CYS1: variants seen among roughly 807,000 people sequenced by gnomAD.
CYS1 encodes the protein cystin-1.
In CYS1, 5 loss-of-function variants were observed where a neutral mutation model predicts 9.6. That is an observed-to-expected ratio of 0.52 (90% CI 0.27 to 1.10). The LOEUF (loss-of-function observed/expected upper bound fraction) is 1.10, where lower values mean the gene tolerates loss of function less well. CYS1 is among the 50% of genes least tolerant of loss of function. The pLI is 0.11. For synonymous variants in CYS1, 88 were observed against 95.7 expected (o/e 0.92, Z 0.47); for missense variants, 221 against 207.9 (o/e 1.06, Z -0.39).
chr2:10,066,975 A>T (rs1661706145), intron 1 of CYS1, among the ~76,000 whole-genome samples: 1 of 152,152 alleles, frequency 6.6e-6, no homozygotes, highest in South Asian at 2.1e-4. Context: ...CTAAGAAGTT[A>T]TCATTTTCCC....
intron 1 of CYS1, among the ~76,000 whole-genome samples, chr2:10,066,957 A>G (rs1472068685): frequency 3.3e-5 from 5 of 152,218 alleles, no homozygotes; most frequent in Non-Finnish European, 7.3e-5. Flanking sequence ...GGACTCCTTT[A>G]GTGTCTTCTA....
chr2:10,080,245 A>G lies in CYS1; in HGVS notation c.-22T>C. Reference sequence around the variant, plus strand: ...CCATGGCGCGCCCGCCGCCTCCCGGACCGCCGAGGGGGCCCCCATGAGGGG... The same window carrying G: ...CCATGGCGCGCCCGCCGCCTCCCGGGCCGCCGAGGGGGCCCCCATGAGGGG... On this transcript the variant is annotated 5_prime_UTR_variant, in exon 1 of 3. Coordinates refer to ENST00000381813, the MANE Select transcript of CYS1 (RefSeq NM_001037160.3). This position sits in a 1 kb window ranked among gnomAD's most constrained non-coding sequence, Gnocchi z 6.4. 9.7e-7 allele frequency: 1 copy of G among 1,030,980 alleles called. No homozygotes were observed. The highest frequency in any genetic ancestry group is 1.2e-6 in the Non-Finnish European group (1 of 864,620). 63.9% of individuals were successfully genotyped at this position (1,030,980 alleles called of 1,614,324 possible).
chr2:10,078,649 T>A (rs1037921672), intron 1 of CYS1, among the ~76,000 whole-genome samples: 3 of 152,228 alleles, frequency 2.0e-5, no homozygotes, highest in African/African-American at 7.2e-5. Flanking sequence ...CCCTTGGGAT[T>A]AGCCGCTTTC....
chr2:10,079,168 C>T (rs1006485236), intron 1 of CYS1, among the ~76,000 whole-genome samples: 5 of 152,148 alleles, frequency 3.3e-5, no homozygotes, highest in African/African-American at 9.7e-5. Context: ...CCCTCTCCCC[C>T]ACCCTCCCTG....
intron 1 of CYS1, among the ~76,000 whole-genome samples, chr2:10,073,363 C>T (rs906686537): frequency 3.3e-5 from 5 of 152,236 alleles, no homozygotes; most frequent in South Asian, 2.1e-4. Context: ...GAGACTTGTC[C>T]GTGCTAACAG....
At chr2:10,069,658 C>T (rs1218059561) in intron 1 of CYS1, among the ~76,000 whole-genome samples, 3 of 152,000 alleles carry the variant, frequency 2.0e-5, no homozygotes, top group Admixed American at 6.6e-5. Context: ...TGAGCCACTG[C>T]GCCTGGCCGA....
rs1413239548 is a variant in CYS1 at position 10,063,870 on chromosome 2, C to G, written c.371+2034G>C. Among the ~76,000 whole-genome samples the G allele has an allele frequency of 6.6e-6, 1 of 152,218 alleles. No individual in the cohort carries two copies. Among genetic ancestry groups the G allele is most frequent in the Non-Finnish European group, 1.5e-5 (1 of 68,040 alleles). On this transcript the variant is annotated intron_variant, in intron 2 of 2. Coordinates refer to ENST00000381813, the MANE Select transcript of CYS1 (RefSeq NM_001037160.3). The surrounding 1 kb of genome is among the most constrained non-coding windows in gnomAD (Gnocchi z 4.2). ...GGAAGCACGGTGCTGGAGGGGCTGA[C>G]AGAGCCCTGGGCACTCCTACGCCTA...
intron 1 of CYS1, among the ~76,000 whole-genome samples, chr2:10,074,018 C>T (rs2125291453): frequency 6.6e-6 from 1 of 152,316 alleles, no homozygotes; most frequent in Admixed American, 6.5e-5. Context: ...TTTAATCCTA[C>T]TCTTTTTATA....
At chr2:10,068,967 CAGG>C (rs1344257573) in intron 1 of CYS1, among the ~76,000 whole-genome samples, 1 of 151,918 alleles carries the variant, frequency 6.6e-6, no homozygotes, top group African/African-American at 2.4e-5. Context: ...GAGGCTGAGG[CAGG>C]AGAATTGCTT....
rs1180675064 is a variant in CYS1 at position 10,080,268 on chromosome 2, G to A, written c.-45C>T. ...GGACCGCCGAGGGGGCCCCCATGAG[G>A]GGGCGCGGCCGGGGGCGGGGACGCT... On this transcript the variant is annotated 5_prime_UTR_variant, in exon 1 of 3. Transcript: ENST00000381813. The surrounding 1 kb of genome is among the most constrained non-coding windows in gnomAD (Gnocchi z 6.4). 3 of 1,020,138 alleles carry A rather than the reference G, an allele frequency of 2.9e-6. No individual in the cohort carries two copies. The highest frequency in any genetic ancestry group is 2.3e-6 in the Non-Finnish European group (2 of 853,460). The allele number at this position is 1,020,138 out of a possible 1,614,324, so 63.2% of individuals were successfully genotyped here. A position where few individuals can be genotyped will look rare whatever the true frequency, so the allele number is the denominator to read the frequency against.
At chr2:10,066,036 G>C in intron 1 of CYS1, 80 bp from the exon 2 acceptor site, 2 of 1,495,542 alleles carry the variant, frequency 1.3e-6, no homozygotes, top group Non-Finnish European at 1.9e-6. Context: ...TGTGTGGACA[G>C]ACGATGGCCA....
At chr2:10,077,881 G>T (rs138785705) in intron 1 of CYS1, among the ~76,000 whole-genome samples, 1 of 152,220 alleles carries the variant, frequency 6.6e-6, no homozygotes, top group African/African-American at 2.4e-5. Context: ...AGACCAAGGT[G>T]GGCGGGTCAC....
chr2:10,077,957 A>G (rs1438320927), intron 1 of CYS1, among the ~76,000 whole-genome samples: 4 of 152,050 alleles, frequency 2.6e-5, no homozygotes, highest in African/African-American at 9.7e-5. Flanking sequence ...TAAAAATACA[A>G]AAATTGGGCG....
chr2:10,060,382 C>T (rs932410386), intron 2 of CYS1, among the ~76,000 whole-genome samples: 7 of 152,354 alleles, frequency 4.6e-5, no homozygotes, highest in East Asian at 1.9e-4. Flanking sequence ...GCACAGCCTC[C>T]GGGTCCCCGT....
chr2:10,075,703 G>A (rs538610173), intron 1 of CYS1, among the ~76,000 whole-genome samples: 1 of 152,280 alleles, frequency 6.6e-6, no homozygotes, highest in South Asian at 2.1e-4. Flanking sequence ...ATGCTCCATG[G>A]CTACAGCAAA....
intron 1 of CYS1, among the ~76,000 whole-genome samples, chr2:10,067,770 T>C (rs1329110121): frequency 2.0e-5 from 3 of 152,212 alleles, no homozygotes; most frequent in Non-Finnish European, 4.4e-5. Flanking sequence ...ATTCCAGTAA[T>C]TTATGGCTTC....
chr2:10,063,794 CAG>C lies in CYS1; in HGVS notation c.371+2108_371+2109del, dbSNP rs1162663075. On this transcript the variant is annotated intron_variant, in intron 2 of 2. Transcript: ENST00000381813. This position sits in a 1 kb window ranked among gnomAD's most constrained non-coding sequence, Gnocchi z 4.2. ...ACAGTGGGTACAGGGCAGATGCTGC[CAG>C]CCCTGACCCTGGGGCAGGACTGCTG... Among the ~76,000 whole-genome samples the C allele has an allele frequency of 8.5e-5, 13 of 152,216 alleles. No individual in the cohort carries two copies. The highest frequency in any genetic ancestry group is 3.1e-4 in the African/African-American group (13 of 41,450).
At position 10,057,944 on chromosome 2, in the gene CYS1, A is replaced by G. The variant is rs950784259; in HGVS notation, c.*909T>C. 1 of 152,276 alleles carries G rather than the reference A, an allele frequency of 6.6e-6. No individual in the cohort carries two copies. Among genetic ancestry groups the G allele is most frequent in the African/African-American group, 2.4e-5 (1 of 41,456 alleles). The allele number at this position is 152,276 out of a possible 1,614,324, so 9.4% of individuals were successfully genotyped here. On this transcript the variant is annotated 3_prime_UTR_variant, in exon 3 of 3. Coordinates refer to ENST00000381813, the MANE Select transcript of CYS1 (RefSeq NM_001037160.3). ...TGCTGTGGTTTCCCACCTTCCACCC[A>G]GGCAGGAAGAGAATTTAAAAGCCCC...
Position 10,079,973 on chromosome 2 carries a change from C to T in CYS1, c.251G>A (p.Trp84Ter), listed in dbSNP as rs1451808985. Residue 84 changes from tryptophan to a stop codon, truncating the protein, a stop_gained, in exon 1 of 3, where the codon TGG (tryptophan) becomes TAG (stop). Transcript: ENST00000381813. LOFTEE classifies it high-confidence loss of function. ...LDELLAESAA[W>*]GPPEPAPRRP... ...GCGCGGGGCGGGCTCCGGGGGGCCC[C>T]AGGCCGCCGACTCGGCCAGCAGCTC... is the stretch of plus-strand genomic sequence containing the variant. The T allele has an allele frequency of 1.1e-5, 12 of 1,106,726 alleles. No homozygotes were observed. Among genetic ancestry groups the T allele is most frequent in the Non-Finnish European group, 1.3e-5 (12 of 908,326 alleles). The allele number at this position is 1,106,726 out of a possible 1,614,324, so 68.6% of individuals were successfully genotyped here.
Sources: allele counts gnomAD v4.1 joint callset (sites outside exome capture counted in the v4.1 genomes callset), GRCh38; gene constraint gnomAD v4.1.1; non-coding constraint Gnocchi (gnomAD v3.1); transcripts MANE v1.5; gene names NCBI Gene and HGNC (gene_info 2026-07-23, HGNC 2026-07-21).